Variants in SDHC observed in about 807,000 individuals in gnomAD.
SDHC encodes succinate dehydrogenase complex subunit C.
In SDHC, 11 loss-of-function variants were observed where a neutral mutation model predicts 22.6. The observed-to-expected ratio is 0.49, with a 90% CI of 0.31 to 0.81. The LOEUF is 0.81. Among genes scored for constraint, SDHC ranks in the 30% least tolerant of loss-of-function variants. The pLI, the probability that SDHC is intolerant of heterozygous loss-of-function variation, is 0.05. For missense variants in SDHC, 160 were observed against 212.0 expected, an observed-to-expected ratio of 0.75 and a Z score of 1.52; for synonymous variants, 80 against 77.8, an observed-to-expected ratio of 1.03 and a Z score of -0.15.
chr1:161,332,275 T>G (rs1024928387), intron 3 of SDHC, among the ~76,000 whole-genome samples: 1 of 152,162 alleles, frequency 6.6e-6, no homozygotes, highest in Non-Finnish European at 1.5e-5. Flanking sequence ...GTGCTCAGCT[T>G]GCTTTTTATT....
intron 4 of SDHC, among the ~76,000 whole-genome samples, chr1:161,351,136 A>G (rs1672085259): frequency 6.6e-6 from 1 of 152,226 alleles, no homozygotes; most frequent in Admixed American, 6.5e-5. Flanking sequence ...CGGTTTATCC[A>G]GCCTCAACTT....
intron 4 of SDHC, among the ~76,000 whole-genome samples, chr1:161,343,152 C>T (rs1671780214): frequency 6.6e-6 from 1 of 152,132 alleles, no homozygotes; most frequent in African/African-American, 2.4e-5. Context: ...TTTGTTGAAG[C>T]AGTGGTGGTA....
At chr1:161,332,910 G>A (rs1197410506) in intron 3 of SDHC, among the ~76,000 whole-genome samples, 1 of 152,134 alleles carries the variant, frequency 6.6e-6, no homozygotes, top group African/African-American at 2.4e-5. Context: ...TGGGATTATA[G>A]GCATGAGCCA....
intron 5 of SDHC, among the ~76,000 whole-genome samples, chr1:161,361,669 C>G (rs1170448908): frequency 6.6e-6 from 1 of 152,056 alleles, no homozygotes; most frequent in East Asian, 1.9e-4. Context: ...GAAACCCCAT[C>G]TCTACTAAAA....
intron 3 of SDHC, chr1:161,339,662 G>GTTTGTTTTTTTTTTTTTTTTTTTTT (rs1671638700): frequency 2.0e-5 from 1 of 49,566 alleles, no homozygotes; most frequent in African/African-American, 1.0e-4. Flanking sequence ...TGATACAGGT[G>GTTTGTTTTTTTTTTTTTTTTTTTTT]TTTTTTTTTT....
chr1:161,338,954 T>A (rs1234603948), intron 3 of SDHC, among the ~76,000 whole-genome samples: 2 of 152,182 alleles, frequency 1.3e-5, no homozygotes, highest in Non-Finnish European at 2.9e-5. Flanking sequence ...ATTCAAGTCA[T>A]TCTCCTGCCT....
At chr1:161,319,781 G>A (rs1451990018) in intron 1 of SDHC, among the ~76,000 whole-genome samples, 1 of 152,086 alleles carries the variant, frequency 6.6e-6, no homozygotes, top group Non-Finnish European at 1.5e-5. Context: ...AGTTTAACAG[G>A]CTCTGAGGGA....
chr1:161,336,401 G>C (rs566528588), intron 3 of SDHC, among the ~76,000 whole-genome samples: 30 of 151,770 alleles, frequency 2.0e-4, no homozygotes, highest in Non-Finnish European at 4.3e-4. Flanking sequence ...GTTGCAGTGA[G>C]CCAAGATTGC....
chr1:161,341,258 T>A (rs1473557339), intron 4 of SDHC, among the ~76,000 whole-genome samples: 1 of 152,214 alleles, frequency 6.6e-6, no homozygotes, highest in African/African-American at 2.4e-5. Flanking sequence ...TGATCATTGA[T>A]GAAACACAGT....
intron 4 of SDHC, among the ~76,000 whole-genome samples, chr1:161,349,379 C>T (rs67307769): frequency 0.095 from 14,436 of 152,048 alleles, 975 homozygotes; most frequent in Non-Finnish European, 0.13. Context: ...GCACGAGAAT[C>T]GCTTGAACCC....
intron 1 of SDHC, 77 bp from the exon 2 acceptor site, chr1:161,323,537 C>A: frequency 9.4e-7 from 1 of 1,060,256 alleles, no homozygotes; most frequent in Non-Finnish European, 1.5e-6. Context: ...TATCCCTTCA[C>A]CCCTAAAAAT....
intron 4 of SDHC, among the ~76,000 whole-genome samples, chr1:161,348,165 G>GT (rs994517363): frequency 8.6e-5 from 13 of 150,734 alleles, no homozygotes; most frequent in East Asian, 2.0e-4. Flanking sequence ...TTGTTTGTTT[G>GT]TTTTTTTTTG....
At position 161,314,911 on chromosome 1, in the gene SDHC, G is replaced by C. The variant is rs1244834454; in HGVS notation, c.20+486G>C. On this transcript the variant is annotated intron_variant, in intron 1 of 5. Transcript: ENST00000367975. ...CTGTCTGGGTTCCCAGCGGGCTGCT[G>C]GCAAAGGGTGGATCCCTACTGGGGT... 1.8e-5 allele frequency: 3 copies of C among 165,888 alleles called. No individual in the cohort carries two copies. In the East Asian group the frequency reaches 5.1e-4, roughly 28 times the overall value. The allele number at this position is 165,888 out of a possible 1,614,324, so 10.3% of individuals were successfully genotyped here.
chr1:161,320,224 G>A (rs992079323), intron 1 of SDHC, among the ~76,000 whole-genome samples: 1 of 151,970 alleles, frequency 6.6e-6, no homozygotes, highest in Non-Finnish European at 1.5e-5. Flanking sequence ...CCATCATATG[G>A]GGGGGGTGGT....
At chr1:161,315,576 G>A (rs1459920171) in intron 1 of SDHC, among the ~76,000 whole-genome samples, 1 of 152,156 alleles carries the variant, frequency 6.6e-6, no homozygotes, top group African/African-American at 2.4e-5. Context: ...TTAACATTTA[G>A]TTTGAAGTGA....
intron 4 of SDHC, among the ~76,000 whole-genome samples, chr1:161,343,977 C>T (rs549527066): frequency 4.8e-4 from 73 of 151,912 alleles, no homozygotes; most frequent in African/African-American, 1.7e-3. Flanking sequence ...TTTGGGAGGC[C>T]GAGGCAGGAG....
At chr1:161,347,293 C>T (rs1195795518) in intron 4 of SDHC, among the ~76,000 whole-genome samples, 3 of 151,906 alleles carry the variant, frequency 2.0e-5, no homozygotes, top group Admixed American at 6.6e-5. Flanking sequence ...CTCGCTCTGT[C>T]GGCCAGGCTG....
At chr1:161,346,289 C>T (rs1671894594) in intron 4 of SDHC, among the ~76,000 whole-genome samples, 1 of 152,160 alleles carries the variant, frequency 6.6e-6, no homozygotes, top group Non-Finnish European at 1.5e-5. Context: ...TTCCCACCTT[C>T]TAATTAACCT....
chr1:161,336,691 G>T lies in SDHC; in HGVS notation c.180-3903G>T, dbSNP rs555608982. On this transcript the variant is annotated intron_variant, in intron 3 of 5. Transcript: ENST00000367975. Reference sequence around the variant, plus strand: ...CACGGGGCTATATCCAGAGTGGCATGTCAGGGAAAGATATCTGAGATACCT... The same window carrying T: ...CACGGGGCTATATCCAGAGTGGCATTTCAGGGAAAGATATCTGAGATACCT... Among the ~76,000 whole-genome samples the T allele has an allele frequency of 2.4e-4, 36 of 152,178 alleles. No individual in the cohort carries two copies. In the East Asian group the frequency reaches 6.8e-3, roughly 29 times the overall value.
Sources: gnomAD v4.1 joint callset for allele counts (sites outside exome capture counted in the v4.1 genomes callset) on GRCh38, gnomAD v4.1.1 for gene constraint, MANE v1.5 for transcripts, NCBI Gene and HGNC (gene_info 2026-07-23, HGNC 2026-07-21) for gene names.